ITPKB: variants seen among roughly 807,000 people sequenced by gnomAD.
ITPKB encodes the protein IP3 3-kinase B.
ITPKB carries 13 observed loss-of-function variants against 69.4 expected under a neutral mutation model. The ratio of observed to expected loss-of-function variants is 0.19; its 90% CI spans 0.12 to 0.30. The LOEUF (loss-of-function observed/expected upper bound fraction) is 0.30, where lower values mean the gene tolerates loss of function less well. Among genes scored for constraint, ITPKB ranks in the 10% least tolerant of loss-of-function variants. ITPKB has a pLI of 1.00. For missense variants in ITPKB, 1,240 were observed against 1,250.5 expected (o/e 0.99, Z 0.13); for synonymous variants, 584 against 513.7 (o/e 1.14, Z -1.85).
rs1209803610 is a variant in ITPKB, at chr1:226,735,553, T to C, written c.1906A>G (p.Thr636Ala). Reference protein sequence around the residue: ...TLDPNSAFLHTLDQQKPRVSK... With the variant: ...TLDPNSAFLHALDQQKPRVSK... ...ACTCTAGGTTTCTGCTGGTCCAGGG[T>C]ATGCAGGAAGGCTGAGTTGGGGTCC... is the stretch of plus-strand genomic sequence containing the variant. Residue 636 changes from threonine (T) to alanine (A), a missense_variant, in exon 2 of 8, where the codon ACC becomes GCC. Physicochemically the swap from Thr to Ala is moderately conservative, Grantham distance 58. Around this residue, in one of 2 missense-constraint regions of ITPKB, gnomAD observed 992 missense variants for 853.8 expected, o/e 1.16. Coordinates refer to ENST00000429204, the MANE Select transcript of ITPKB (RefSeq NM_002221.4). 5.2e-6 allele frequency: 8 copies of C among 1,540,758 alleles called. No homozygotes were observed. The highest frequency in any genetic ancestry group is 6.1e-6 in the Non-Finnish European group (7 of 1,142,856).
intron 2 of ITPKB, chr1:226,676,031 A>G (rs1057077484): frequency 1.3e-5 from 2 of 152,198 alleles, no homozygotes; most frequent in African/African-American, 4.8e-5. Context: ...GTGCTCCCAC[A>G]TTCTCTCCTC....
At chr1:226,711,442 AGTGTGTGT>A (rs57531406) in intron 2 of ITPKB, among the ~76,000 whole-genome samples, 25 of 102,350 alleles carry the variant, frequency 2.4e-4, no homozygotes, top group Non-Finnish European at 3.4e-4. Flanking sequence ...AGAGAGAGAG[AGTGTGTGT>A]GTGTGTGTGT....
intron 6 of ITPKB, among the ~76,000 whole-genome samples, chr1:226,638,642 C>T (rs1435760237): frequency 3.3e-5 from 5 of 152,204 alleles, no homozygotes; most frequent in East Asian, 1.9e-4. Context: ...GTCTGCGAGC[C>T]GCTGCAGCAG....
rs3832012 is a variant in ITPKB, at chr1:226,631,823, C to CG, written c.*2847dup. The CG allele has an allele frequency of 0.021, 3,176 of 151,650 alleles. 61 individuals are homozygous for CG. Among genetic ancestry groups the CG allele is most frequent in the East Asian group, 0.073 (375 of 5,118 alleles). The allele number at this position is 151,650 out of a possible 1,614,324, so 9.4% of individuals were successfully genotyped here. ...AACAGGAAGAGAGCCTCTCGGCAGGCGGGGGGGGTCCTCTCCTCCAGAACA... is the reference window on the plus strand; with the variant it reads ...AACAGGAAGAGAGCCTCTCGGCAGGCGGGGGGGGGTCCTCTCCTCCAGAACA... On this transcript the variant is annotated 3_prime_UTR_variant, in exon 8 of 8. Coordinates refer to ENST00000429204, the MANE Select transcript of ITPKB (RefSeq NM_002221.4).
At chr1:226,722,778 T>C (rs1297410903) in intron 2 of ITPKB, among the ~76,000 whole-genome samples, 1 of 152,036 alleles carries the variant, frequency 6.6e-6, no homozygotes, top group African/African-American at 2.4e-5. Context: ...CTGAGACACA[T>C]ATGTCTAGAA....
At chr1:226,723,061 C>G (rs1021489416) in intron 2 of ITPKB, among the ~76,000 whole-genome samples, 1 of 152,068 alleles carries the variant, frequency 6.6e-6, no homozygotes, top group Non-Finnish European at 1.5e-5. Context: ...GACGCCAGTC[C>G]GTGCTGCTCA....
rs545817376 is a variant in ITPKB, at chr1:226,648,020, G to A, written c.2033-640C>T. On this transcript the variant is annotated intron_variant, in intron 3 of 7. Transcript: ENST00000429204. ...CAAGTCCACAGGCAGCCCCTGACAT[G>A]TCTCCAGATGACAGTGCTTCCAGAG... Among the ~76,000 whole-genome samples the A allele has an allele frequency of 2.0e-5, 3 of 152,344 alleles. No homozygotes were observed. The East Asian group carries it at 5.8e-4, about 29-fold the overall frequency.
At chr1:226,651,724 T>C (rs1008592992) in intron 2 of ITPKB, among the ~76,000 whole-genome samples, 1 of 152,142 alleles carries the variant, frequency 6.6e-6, no homozygotes, top group African/African-American at 2.4e-5. Context: ...CATTTGAAGC[T>C]AAGAAACTTC....
rs148213572 is a variant in ITPKB at position 226,691,780 on chromosome 1, G to A, written c.1933-43009C>T. ...GCTGTGCTCTGCTCCCAAATGTTCT[G>A]TTTATGTCTCCCCATCATGTCATTG... is the stretch of plus-strand genomic sequence containing the variant. On this transcript the variant is annotated intron_variant, in intron 2 of 7. Transcript: ENST00000429204. Among the ~76,000 whole-genome samples the A allele has an allele frequency of 2.2e-4, 33 of 152,246 alleles. No individual in the cohort carries two copies. The East Asian group carries it at 6.2e-3, about 28-fold the overall frequency.
At chr1:226,699,634 T>C (rs1656586307) in intron 2 of ITPKB, among the ~76,000 whole-genome samples, 1 of 152,184 alleles carries the variant, frequency 6.6e-6, no homozygotes, top group Non-Finnish European at 1.5e-5. Flanking sequence ...TCAATGAACG[T>C]TAGTCAGTAT....
intron 4 of ITPKB, among the ~76,000 whole-genome samples, chr1:226,644,858 C>A (rs1669032275): frequency 6.6e-6 from 1 of 152,222 alleles, no homozygotes; most frequent in Non-Finnish European, 1.5e-5. Flanking sequence ...AGAGGCCCTG[C>A]AGCCAAGGGT....
At chr1:226,662,188 G>C (rs1669415430) in intron 2 of ITPKB, among the ~76,000 whole-genome samples, 1 of 152,194 alleles carries the variant, frequency 6.6e-6, no homozygotes, top group East Asian at 1.9e-4. Context: ...AGACTGAGCT[G>C]AGCAACAGGG....
chr1:226,654,205 GGAGA>G (rs1327489480), intron 2 of ITPKB, among the ~76,000 whole-genome samples: 1 of 152,110 alleles, frequency 6.6e-6, no homozygotes, highest in East Asian at 1.9e-4. Context: ...CAGAGAATGT[GGAGA>G]GAGATTTGTA....
chr1:226,644,594 G>A (rs1485535913), intron 4 of ITPKB, among the ~76,000 whole-genome samples: 2 of 152,196 alleles, frequency 1.3e-5, no homozygotes, highest in African/African-American at 2.4e-5. Context: ...AGCACATGTC[G>A]GCGGGAGCCA....
chr1:226,654,173 G>A (rs1376591520), intron 2 of ITPKB, among the ~76,000 whole-genome samples: 16 of 152,232 alleles, frequency 1.1e-4, no homozygotes, highest in South Asian at 6.2e-4. Context: ...CCTGGCACCC[G>A]ACTTGAAAGA....
At chr1:226,655,927 C>T (rs1669278958) in intron 2 of ITPKB, among the ~76,000 whole-genome samples, 1 of 152,234 alleles carries the variant, frequency 6.6e-6, no homozygotes, top group African/African-American at 2.4e-5. Flanking sequence ...GCACCATCTG[C>T]AGCGCACCCG....
chr1:226,646,695 C>G (rs1440533832), intron 4 of ITPKB, among the ~76,000 whole-genome samples: 1 of 152,034 alleles, frequency 6.6e-6, no homozygotes, highest in African/African-American at 2.4e-5. Flanking sequence ...TTTGGGAAAC[C>G]AGCATGTTCT....
chr1:226,641,370 G>A lies in ITPKB; in HGVS notation c.2451+551C>T, dbSNP rs1176496910. The stretch of plus-strand genomic sequence containing the variant: ...ACACAAAGTAAATATATTAATTAGG[G>A]GAAAATTACATTTACTTATAAAGTT... On this transcript the variant is annotated intron_variant, in intron 5 of 7. Coordinates refer to ENST00000429204, the MANE Select transcript of ITPKB (RefSeq NM_002221.4). The surrounding 1 kb of genome is among the most constrained non-coding windows in gnomAD (Gnocchi z 4.6). Among the ~76,000 whole-genome samples the A allele has an allele frequency of 6.6e-6, 1 of 152,058 alleles. No individual in the cohort carries two copies. Among genetic ancestry groups the A allele is most frequent in the East Asian group, 1.9e-4 (1 of 5,198 alleles).
At chr1:226,713,138 T>C (rs983877839) in intron 2 of ITPKB, among the ~76,000 whole-genome samples, 5 of 152,070 alleles carry the variant, frequency 3.3e-5, no homozygotes, top group Admixed American at 2.6e-4. Context: ...ACACTCATGC[T>C]CCGCTAAGAC....
Sources: allele counts gnomAD v4.1 joint callset (sites outside exome capture counted in the v4.1 genomes callset), GRCh38; gene constraint gnomAD v4.1.1; regional missense constraint gnomAD v4.1.1; non-coding constraint Gnocchi (gnomAD v3.1); transcripts MANE v1.5; gene names NCBI Gene and HGNC (gene_info 2026-07-23, HGNC 2026-07-21).